The following MAN1A2 variants were observed in gnomAD, a reference collection of about 807,000 sequenced individuals.
MAN1A2 encodes mannosyl-oligosaccharide 1,2-alpha-mannosidase IB.
In MAN1A2, 26 loss-of-function variants were observed where a neutral mutation model predicts 75.7. The observed-to-expected ratio is 0.34, with a 90% CI of 0.25 to 0.48. The LOEUF (loss-of-function observed/expected upper bound fraction) is 0.48. MAN1A2 is among the 20% of genes least tolerant of loss of function. MAN1A2 has a pLI of 0.99. For missense variants in MAN1A2, 562 were observed against 775.5 expected (o/e 0.72, Z 3.27); for synonymous variants, 247 against 264.6 (o/e 0.93, Z 0.65).
intron 12 of MAN1A2, among the ~76,000 whole-genome samples, chr1:117,517,306 G>A (rs145756451): frequency 1.3e-3 from 195 of 152,274 alleles, no homozygotes; most frequent in African/African-American, 4.5e-3. Flanking sequence ...ATGCCAAGAG[G>A]CAGTACAATG....
intron 5 of MAN1A2, among the ~76,000 whole-genome samples, chr1:117,435,718 T>C (rs1648825674): frequency 6.6e-6 from 1 of 152,234 alleles, no homozygotes; most frequent in Non-Finnish European, 1.5e-5. Context: ...CTTTTTTATT[T>C]TTTCTATTTT....
At chr1:117,511,311 C>T (rs1651527005) in intron 12 of MAN1A2, among the ~76,000 whole-genome samples, 1 of 151,964 alleles carries the variant, frequency 6.6e-6, no homozygotes, top group Non-Finnish European at 1.5e-5. Flanking sequence ...GACACAGAGC[C>T]AATCCATATC....
intron 8 of MAN1A2, among the ~76,000 whole-genome samples, chr1:117,471,489 A>G (rs1422116173): frequency 1.3e-5 from 2 of 151,872 alleles, no homozygotes; most frequent in African/African-American, 4.8e-5. Context: ...TCAATTTCTG[A>G]ATATCAAAAG....
Position 117,523,834 on chromosome 1 carries a change from A to C in MAN1A2, c.*877A>C, listed in dbSNP as rs1359157894. 1 of 151,864 alleles carries C rather than the reference A, an allele frequency of 6.6e-6. No individual in the cohort carries two copies. Among genetic ancestry groups the C allele is most frequent in the Non-Finnish European group, 1.5e-5 (1 of 67,858 alleles). 9.4% of individuals were successfully genotyped at this position (151,864 alleles called of 1,614,324 possible). ...TTTTGTTGCTACATTATTTTTCCAGACCAACACATCTACCAAGTAAATTTT... is the reference window on the plus strand; with the variant it reads ...TTTTGTTGCTACATTATTTTTCCAGCCCAACACATCTACCAAGTAAATTTT... On this transcript the variant is annotated 3_prime_UTR_variant, in exon 13 of 13. Coordinates refer to ENST00000356554, the MANE Select transcript of MAN1A2 (RefSeq NM_006699.5).
chr1:117,382,795 T>G lies in MAN1A2; in HGVS notation c.302+14310T>G, dbSNP rs904978881. 3.2e-4 allele frequency among the ~76,000 whole-genome samples: 49 copies of G among 152,316 alleles called. No individual in the cohort carries two copies. The Middle Eastern group carries it at 0.01, about 32-fold the overall frequency. The stretch of plus-strand genomic sequence containing the variant: ...GGCAGTATGGCCATTTTCACAATAT[T>G]GATTCTTCCTACCCATGAGCATGGA... On this transcript the variant is annotated intron_variant, in intron 1 of 12. Coordinates refer to ENST00000356554, the MANE Select transcript of MAN1A2 (RefSeq NM_006699.5).
intron 8 of MAN1A2, among the ~76,000 whole-genome samples, chr1:117,473,826 C>T (rs1455150989): frequency 1.3e-5 from 2 of 151,970 alleles, no homozygotes; most frequent in Non-Finnish European, 2.9e-5. Context: ...AGATTTCTTC[C>T]ACCGAGTGGT....
rs1651926271 is a variant in MAN1A2, at chr1:117,523,495, A to T, written c.*538A>T. ...CAGTAACAAGAAGACTCAAAAAAGA[A>T]ACAGGAGTACCTATCCCTATCTGAA... On this transcript the variant is annotated 3_prime_UTR_variant, in exon 13 of 13. Transcript: ENST00000356554. The T allele has an allele frequency of 8.4e-6, 2 of 237,434 alleles. No individual in the cohort carries two copies. Among genetic ancestry groups the T allele is most frequent in the Admixed American group, 5.3e-5 (1 of 18,782 alleles). The allele number at this position is 237,434 out of a possible 1,614,324, so 14.7% of individuals were successfully genotyped here. A position where few individuals can be genotyped will look rare whatever the true frequency, so the allele number is the denominator to read the frequency against.
chr1:117,500,017 T>G (rs148886504), intron 11 of MAN1A2, among the ~76,000 whole-genome samples: 2 of 151,884 alleles, frequency 1.3e-5, no homozygotes, highest in African/African-American at 4.8e-5. Flanking sequence ...TAACTTAAGC[T>G]TACAATCTAG....
At chr1:117,432,502 GT>G (rs1322552331) in intron 5 of MAN1A2, among the ~76,000 whole-genome samples, 1 of 152,144 alleles carries the variant, frequency 6.6e-6, no homozygotes, top group African/African-American at 2.4e-5. Context: ...ATTATAAGCA[GT>G]TTTTTTGCAA....
In MAN1A2 at chr1:117,390,726, C is replaced by A. The variant is rs186669773; in HGVS notation, c.303-11460C>A. ...AGGTTCTTGATATAAGATCTTTTTTCCCCCTAATATAGATTGGTTAATGCT... is the reference window on the plus strand; with the variant it reads ...AGGTTCTTGATATAAGATCTTTTTTACCCCTAATATAGATTGGTTAATGCT... On this transcript the variant is annotated intron_variant, in intron 1 of 12. Transcript: ENST00000356554. 5.3e-5 allele frequency among the ~76,000 whole-genome samples: 8 copies of A among 151,534 alleles called. No individual in the cohort carries two copies. The East Asian group carries it at 1.6e-3, about 29-fold the overall frequency.
chr1:117,400,165 C>T (rs908973668), intron 1 of MAN1A2, among the ~76,000 whole-genome samples: 1 of 152,022 alleles, frequency 6.6e-6, no homozygotes, highest in African/African-American at 2.4e-5. Flanking sequence ...TAGTTCCCTG[C>T]CCTGTTCCTC....
chr1:117,457,394 G>T (rs538783609), intron 6 of MAN1A2, among the ~76,000 whole-genome samples: 2 of 150,536 alleles, frequency 1.3e-5, no homozygotes, highest in Non-Finnish European at 1.5e-5. Context: ...ATGATGATCC[G>T]GTTATTTTTT....
At chr1:117,461,467 G>A (rs1649819143) in intron 7 of MAN1A2, among the ~76,000 whole-genome samples, 1 of 152,054 alleles carries the variant, frequency 6.6e-6, no homozygotes, top group Non-Finnish European at 1.5e-5. Context: ...TACATAGAAT[G>A]AATAAGATCT....
chr1:117,465,836 A>G (rs1353184754), intron 7 of MAN1A2, among the ~76,000 whole-genome samples: 1 of 152,152 alleles, frequency 6.6e-6, no homozygotes. Flanking sequence ...ACTTAAAGAT[A>G]TCTATTGTGG....
At chr1:117,417,913 C>T (rs1648061505) in intron 4 of MAN1A2, among the ~76,000 whole-genome samples, 2 of 151,692 alleles carry the variant, frequency 1.3e-5, no homozygotes, top group African/African-American at 4.8e-5. Flanking sequence ...GACCTGAACT[C>T]TACAGAAAAT....
chr1:117,481,924 A>T (rs1292122267), intron 8 of MAN1A2, among the ~76,000 whole-genome samples: 3 of 151,876 alleles, frequency 2.0e-5, no homozygotes, highest in African/African-American at 7.2e-5. Flanking sequence ...TTTTTCTTCT[A>T]ACCCTTTCCA....
At chr1:117,440,585 G>C (rs1375390334) in intron 5 of MAN1A2, among the ~76,000 whole-genome samples, 1 of 151,638 alleles carries the variant, frequency 6.6e-6, no homozygotes, top group Non-Finnish European at 1.5e-5. Flanking sequence ...ATGACATTAG[G>C]GTGTTGTTTT....
chr1:117,374,867 A>G (rs182675791), intron 1 of MAN1A2, among the ~76,000 whole-genome samples: 6 of 152,328 alleles, frequency 3.9e-5, no homozygotes, highest in Admixed American at 2.0e-4. Context: ...AATGTATTCT[A>G]AAGGAATTAG....
At chr1:117,515,852 A>G (rs1651699158) in intron 12 of MAN1A2, 1 of 152,130 alleles carries the variant, frequency 6.6e-6, no homozygotes, top group Non-Finnish European at 1.5e-5. Flanking sequence ...TTTGCAAAGA[A>G]CAGTGTGAAT....
Sources: allele counts gnomAD v4.1 joint callset (sites outside exome capture counted in the v4.1 genomes callset), GRCh38; gene constraint gnomAD v4.1.1; transcripts MANE v1.5; gene names NCBI Gene and HGNC (gene_info 2026-07-23, HGNC 2026-07-21).